Variants in MAN1A2 observed in about 807,000 individuals in gnomAD.
MAN1A2 encodes the protein mannosyl-oligosaccharide 1,2-alpha-mannosidase IB.
A neutral mutation model predicts 75.7 loss-of-function variants in MAN1A2; 26 were observed. The ratio of observed to expected loss-of-function variants is 0.34; its 90% CI spans 0.25 to 0.48. The LOEUF (loss-of-function observed/expected upper bound fraction) is 0.48. Among genes scored for constraint, MAN1A2 ranks in the 20% least tolerant of loss-of-function variants. The pLI is 0.99. For synonymous variants in MAN1A2, 247 were observed against 264.6 expected (o/e 0.93, Z 0.65); for missense variants, 562 against 775.5 (o/e 0.72, Z 3.27).
chr1:117,476,051 G>A (rs1480258190), intron 8 of MAN1A2, among the ~76,000 whole-genome samples: 8 of 151,964 alleles, frequency 5.3e-5, no homozygotes, highest in Non-Finnish European at 1.0e-4. Context: ...TTTAATGATC[G>A]TCTTTCTAAC....
At chr1:117,495,322 G>A (rs758072160) in intron 9 of MAN1A2, among the ~76,000 whole-genome samples, 1 of 151,664 alleles carries the variant, frequency 6.6e-6, no homozygotes, top group Non-Finnish European at 1.5e-5. Flanking sequence ...ATGATCTCAA[G>A]TATGCAGTCT....
At chr1:117,493,352 T>C (rs1650943312) in intron 9 of MAN1A2, 90 bp downstream of exon 9, 1 of 693,224 alleles carries the variant, frequency 1.4e-6, no homozygotes, top group East Asian at 2.8e-5. Context: ...AACCATTTTA[T>C]TATAGACATT....
chr1:117,480,448 C>T (rs1400595642), intron 8 of MAN1A2, among the ~76,000 whole-genome samples: 1 of 151,668 alleles, frequency 6.6e-6, no homozygotes, highest in African/African-American at 2.4e-5. Flanking sequence ...TCTTGAAAAC[C>T]AGTGTTTCAT....
At chr1:117,436,992 T>C (rs567224107) in intron 5 of MAN1A2, among the ~76,000 whole-genome samples, 1 of 152,216 alleles carries the variant, frequency 6.6e-6, no homozygotes, top group South Asian at 2.1e-4. Flanking sequence ...AAGAGGGAAG[T>C]GTGTGTGAAT....
chr1:117,434,747 CTGTGTG>C (rs61681259), intron 5 of MAN1A2, among the ~76,000 whole-genome samples: 22,298 of 135,196 alleles, frequency 0.16, 1,860 homozygotes, highest in Middle Eastern at 0.24. Context: ...TTGGTTACAG[CTGTGTG>C]TGTGTGTGTG....
chr1:117,460,611 A>G lies in MAN1A2; in HGVS notation c.1073A>G (p.Lys358Arg), dbSNP rs1348071811. ...ACAGGGGACCTGACTTACTACAAAA[A>G]GGTTTGTTTTCTTGCCTTCTATTCT... Reference protein sequence around the residue: ...YLTGDLTYYKKVMHIRKLLQK... With the variant: ...YLTGDLTYYKRVMHIRKLLQK... Residue 358 changes from lysine to arginine, a missense_variant and splice_region_variant, in exon 7 of 13, where the codon AAG becomes AGG. By Grantham distance (26) the Lys-to-Arg change is conservative. This residue lies in a region of MAN1A2 where 434 missense variants were observed against 645.7 expected (regional missense o/e 0.67). Coordinates refer to ENST00000356554, the MANE Select transcript of MAN1A2 (RefSeq NM_006699.5). 6.3e-7 allele frequency: 1 copy of G among 1,599,938 alleles called. No homozygotes were observed. Among genetic ancestry groups the G allele is most frequent in the East Asian group, 2.3e-5 (1 of 44,404 alleles).
Position 117,523,124 on chromosome 1 carries a change from T to C in MAN1A2, c.*167T>C. Reference sequence around the variant, plus strand: ...ACTTGTAGATACATCAACTTTGAAATTATTCCATTTTATACCTGACCAAAA... The same window carrying C: ...ACTTGTAGATACATCAACTTTGAAACTATTCCATTTTATACCTGACCAAAA... On this transcript the variant is annotated 3_prime_UTR_variant, in exon 13 of 13. Coordinates refer to ENST00000356554, the MANE Select transcript of MAN1A2 (RefSeq NM_006699.5). 1 of 742,478 alleles carries C rather than the reference T, an allele frequency of 1.3e-6. No individual in the cohort carries two copies. The highest frequency in any genetic ancestry group is 2.4e-6 in the Non-Finnish European group (1 of 420,758). The allele number at this position is 742,478 out of a possible 1,614,324, so 46.0% of individuals were successfully genotyped here.
chr1:117,425,070 A>G (rs1648319411), intron 5 of MAN1A2, among the ~76,000 whole-genome samples: 1 of 147,322 alleles, frequency 6.8e-6, no homozygotes, highest in East Asian at 2.1e-4. Context: ...GAAGGAGACA[A>G]AACAGGAGAG....
chr1:117,500,976 T>G (rs935547412), intron 11 of MAN1A2, among the ~76,000 whole-genome samples: 1 of 151,854 alleles, frequency 6.6e-6, no homozygotes, highest in Non-Finnish European at 1.5e-5. Flanking sequence ...ATGCTCCTTA[T>G]TTACAGGAAT....
intron 1 of MAN1A2, among the ~76,000 whole-genome samples, chr1:117,375,866 C>T (rs534339831): frequency 6.6e-6 from 1 of 151,862 alleles, no homozygotes; most frequent in South Asian, 2.1e-4. Context: ...TCTATCTCTC[C>T]CCATTTTTGT....
At chr1:117,449,285 G>A (rs537076080) in intron 6 of MAN1A2, among the ~76,000 whole-genome samples, 5 of 152,120 alleles carry the variant, frequency 3.3e-5, no homozygotes, top group South Asian at 4.1e-4. Context: ...TAGGCTGGGC[G>A]TGGTGGCTCA....
chr1:117,480,043 T>TC (rs1171153989), intron 8 of MAN1A2, among the ~76,000 whole-genome samples: 1 of 151,918 alleles, frequency 6.6e-6, no homozygotes, highest in Non-Finnish European at 1.5e-5. Context: ...CATCCACTGT[T>TC]CCCAGTAGGC....
chr1:117,466,212 C>T, intron 7 of MAN1A2, 122 bp from the exon 8 acceptor site: 1 of 598,578 alleles, frequency 1.7e-6, no homozygotes, highest in Non-Finnish European at 2.9e-6. Context: ...CCCTCCAACA[C>T]ACACACAAAG....
intron 6 of MAN1A2, among the ~76,000 whole-genome samples, chr1:117,459,420 G>A (rs1649739855): frequency 6.6e-6 from 1 of 152,158 alleles, no homozygotes; most frequent in Non-Finnish European, 1.5e-5. Flanking sequence ...GGGAAACAGA[G>A]GTTAGGCTGC....
intron 1 of MAN1A2, among the ~76,000 whole-genome samples, chr1:117,385,294 T>C (rs987595164): frequency 5.3e-5 from 8 of 152,162 alleles, no homozygotes; most frequent in African/African-American, 1.7e-4. Flanking sequence ...TGCTGGAGGA[T>C]ATACCAGTTC....
At chr1:117,417,706 A>ACACACACTCT (rs1553232820) in intron 4 of MAN1A2, among the ~76,000 whole-genome samples, 16 of 143,594 alleles carry the variant, frequency 1.1e-4, no homozygotes, top group South Asian at 4.5e-4. Flanking sequence ...ACACACACAC[A>ACACACACTCT]CTCTCTCTCT....
intron 8 of MAN1A2, among the ~76,000 whole-genome samples, chr1:117,468,927 C>A (rs1440101853): frequency 2.6e-5 from 4 of 152,110 alleles, no homozygotes; most frequent in African/African-American, 2.4e-5. Flanking sequence ...TTATGAACAT[C>A]TATTACTTTT....
intron 1 of MAN1A2, among the ~76,000 whole-genome samples, chr1:117,372,913 G>C (rs1343787868): frequency 2.0e-5 from 3 of 151,968 alleles, no homozygotes; most frequent in Non-Finnish European, 4.4e-5. Flanking sequence ...ATACTTGAGG[G>C]TCAGGTATAT....
At chr1:117,459,873 A>T (rs1221463365) in intron 6 of MAN1A2, among the ~76,000 whole-genome samples, 1 of 152,170 alleles carries the variant, frequency 6.6e-6, no homozygotes, top group African/African-American at 2.4e-5. Flanking sequence ...GGTGCAAGCC[A>T]GTTCTTTATT....
Sources: gnomAD v4.1 joint callset for allele counts (sites outside exome capture counted in the v4.1 genomes callset) on GRCh38, gnomAD v4.1.1 for gene constraint, gnomAD v4.1.1 regional missense constraint, MANE v1.5 for transcripts, NCBI Gene and HGNC (gene_info 2026-07-23, HGNC 2026-07-21) for gene names.